The following PTPRD variants were observed in gnomAD, a reference collection of about 807,000 sequenced individuals.
The protein encoded by PTPRD is protein tyrosine phosphatase receptor type D, also known as receptor-type tyrosine-protein phosphatase delta.
Under a neutral mutation model 214.5 loss-of-function variants are expected in PTPRD, and 34 were observed. That is an observed-to-expected ratio of 0.16 (90% confidence interval 0.12 to 0.21). PTPRD has a LOEUF of 0.21. PTPRD is among the 10% of genes least tolerant of loss of function. PTPRD has a pLI of 1.00. For missense variants in PTPRD, 2,545 were observed against 2,398.7 expected (o/e 1.06, Z -1.27); for synonymous variants, 1,128 against 845.7 (o/e 1.33, Z -5.79).
chr9:9,908,317 A>G (rs528290735), intron 5 of PTPRD, among the ~76,000 whole-genome samples: 3 of 152,050 alleles, frequency 2.0e-5, no homozygotes, highest in Admixed American at 1.3e-4. Flanking sequence ...TAGCTGGTAT[A>G]AAGGGGGAGT....
At chr9:9,958,545 A>G (rs953489796) in intron 4 of PTPRD, among the ~76,000 whole-genome samples, 1 of 152,110 alleles carries the variant, frequency 6.6e-6, no homozygotes, top group Non-Finnish European at 1.5e-5. Context: ...AACAACAACA[A>G]CAGCAACAAA....
chr9:10,024,472 G>A (rs1173520130), intron 4 of PTPRD, among the ~76,000 whole-genome samples: 1 of 151,972 alleles, frequency 6.6e-6, no homozygotes. Flanking sequence ...TTCATAATGT[G>A]ATACTTTAAG....
At chr9:8,490,571 C>G (rs1003064412) in intron 27 of PTPRD, among the ~76,000 whole-genome samples, 6 of 152,110 alleles carry the variant, frequency 3.9e-5, no homozygotes, top group African/African-American at 1.4e-4. Flanking sequence ...CAGAAAATGT[C>G]AAACCAATGA....
chr9:8,934,494 A>AATATATAT (rs1420703537), intron 11 of PTPRD, among the ~76,000 whole-genome samples: 1 of 7,434 alleles, frequency 1.3e-4, no homozygotes, highest in Non-Finnish European at 2.6e-4. Flanking sequence ...TATATATATA[A>AATATATAT]ATATATATAT....
At chr9:8,773,139 T>C (rs2095307286) in intron 11 of PTPRD, among the ~76,000 whole-genome samples, 1 of 152,188 alleles carries the variant, frequency 6.6e-6, no homozygotes, top group Non-Finnish European at 1.5e-5. Context: ...CCAGAGATTG[T>C]TTCCTTTAGT....
At chr9:9,359,834 C>A (rs1184553470) in intron 9 of PTPRD, among the ~76,000 whole-genome samples, 1 of 151,220 alleles carries the variant, frequency 6.6e-6, no homozygotes, top group East Asian at 1.9e-4. Context: ...TGCGTGGAGG[C>A]AATATGCTGG....
intron 11 of PTPRD, among the ~76,000 whole-genome samples, chr9:8,954,635 A>C (rs1226507325): frequency 6.6e-6 from 1 of 151,864 alleles, no homozygotes; most frequent in Non-Finnish European, 1.5e-5. Context: ...GAGCTGTTCC[A>C]ATGAGAAGTA....
chr9:10,423,950 C>T (rs978964907), intron 2 of PTPRD, among the ~76,000 whole-genome samples: 2 of 151,846 alleles, frequency 1.3e-5, no homozygotes, highest in African/African-American at 2.4e-5. Context: ...AAGTCTGAAC[C>T]TTTCACTAAG....
chr9:10,366,474 C>A (rs2097519862), intron 2 of PTPRD, among the ~76,000 whole-genome samples: 1 of 152,216 alleles, frequency 6.6e-6, no homozygotes, highest in South Asian at 2.1e-4. Flanking sequence ...GTGGAATGAG[C>A]ACACTATACC....
rs1236707725 is a variant in PTPRD at position 8,355,311 on chromosome 9, G to T, written c.4662-13333C>A. ...CAGTATCACGCTTGCTGTACTGCCT[G>T]CCAGAACAGGTTGTAGGCCAAATAA... On this transcript the variant is annotated intron_variant, in intron 39 of 45. Coordinates refer to ENST00000381196, the MANE Select transcript of PTPRD (RefSeq NM_002839.4). Among the ~76,000 whole-genome samples, 4 of 152,122 alleles carry T rather than the reference G, an allele frequency of 2.6e-5. No homozygotes were observed. The East Asian group carries it at 5.8e-4, about 22-fold the overall frequency.
chr9:10,232,593 T>C (rs529211374), intron 3 of PTPRD, among the ~76,000 whole-genome samples: 6 of 152,106 alleles, frequency 3.9e-5, no homozygotes, highest in Admixed American at 6.6e-5. Context: ...GATGTTTGCA[T>C]CTCCAGAGTC....
intron 8 of PTPRD, among the ~76,000 whole-genome samples, chr9:9,451,087 A>G (rs1013948633): frequency 2.0e-5 from 3 of 151,722 alleles, no homozygotes; most frequent in African/African-American, 7.3e-5. Flanking sequence ...AAAATTGTAG[A>G]AGTTGTTCAG....
intron 9 of PTPRD, among the ~76,000 whole-genome samples, chr9:9,330,334 T>C (rs2041843746): frequency 1.3e-5 from 2 of 152,148 alleles, no homozygotes; most frequent in Admixed American, 6.6e-5. Flanking sequence ...ATTGAAGCTG[T>C]ATAAGAAGAA....
At chr9:10,049,407 A>AAAGAAAGAAAGAAAGAAAGAAAGAAAG (rs1555515115) in intron 3 of PTPRD, among the ~76,000 whole-genome samples, 14 of 115,696 alleles carry the variant, frequency 1.2e-4, no homozygotes, top group Non-Finnish European at 2.4e-4. Flanking sequence ...TTAAAAAAAA[A>AAAGAAAGAAAGAAAGAAAGAAAGAAAG]AAAGAAAGAA....
intron 10 of PTPRD, among the ~76,000 whole-genome samples, chr9:9,130,016 T>C (rs1164572528): frequency 1.3e-5 from 2 of 152,144 alleles, no homozygotes; most frequent in Admixed American, 6.5e-5. Flanking sequence ...GTGCCTGACA[T>C]ATAATAGGCT....
intron 3 of PTPRD, among the ~76,000 whole-genome samples, chr9:10,111,473 C>T (rs947738426): frequency 2.0e-5 from 3 of 150,746 alleles, no homozygotes; most frequent in Admixed American, 6.6e-5. Context: ...CTCCTGACCT[C>T]GTGATCCGCC....
chr9:8,398,252 C>T (rs1457542288), intron 36 of PTPRD, among the ~76,000 whole-genome samples: 2 of 152,050 alleles, frequency 1.3e-5, no homozygotes, highest in Non-Finnish European at 2.9e-5. Flanking sequence ...ATTTAATCCT[C>T]CTAGTAATTG....
intron 8 of PTPRD, among the ~76,000 whole-genome samples, chr9:9,565,876 C>A (rs1231470462): frequency 6.6e-6 from 1 of 151,796 alleles, no homozygotes; most frequent in African/African-American, 2.4e-5. Context: ...ATGAAAATGA[C>A]CAAGTAACCC....
chr9:8,772,969 C>A (rs1263905966), intron 11 of PTPRD, among the ~76,000 whole-genome samples: 1 of 152,038 alleles, frequency 6.6e-6, no homozygotes, highest in Non-Finnish European at 1.5e-5. Context: ...TAGGGTTTAA[C>A]CTAAAGTCAA....
Sources: gnomAD v4.1 joint callset for allele counts (sites outside exome capture counted in the v4.1 genomes callset) on GRCh38, gnomAD v4.1.1 for gene constraint, MANE v1.5 for transcripts, NCBI Gene and HGNC (gene_info 2026-07-23, HGNC 2026-07-21) for gene names.